The following ACTR3C variants were observed in gnomAD, a reference collection of about 807,000 sequenced individuals.
ACTR3C encodes the protein actin-related protein 3C.
ACTR3C carries 18 observed loss-of-function variants against 26.3 expected under a neutral mutation model. The observed-to-expected ratio is 0.68, with a 90% CI of 0.47 to 1.01. The LOEUF is 1.01. ACTR3C is among the 50% of genes least tolerant of loss of function. The probability of loss-of-function intolerance (pLI) is 0.00; values close to 1 mark genes in which losing one functional copy is unlikely to be tolerated. For synonymous variants in ACTR3C, 55 were observed against 94.5 expected (o/e 0.58, Z 2.42); for missense variants, 184 against 250.7 (o/e 0.73, Z 1.80).
At chr7:150,050,602 G>A in the ACTR3C span, among the ~76,000 whole-genome samples, 1 of 152,314 alleles carries the variant, frequency 6.6e-6, no homozygotes, top group East Asian at 1.9e-4. Flanking sequence ...AAGAAACGGA[G>A]GGCAGGGGAG....
chr7:150,034,125 A>C, the ACTR3C span, among the ~76,000 whole-genome samples: 2 of 151,352 alleles, frequency 1.3e-5, no homozygotes, highest in South Asian at 2.1e-4. Flanking sequence ...GGAAGAGGGG[A>C]TGGATCTCAG....
the ACTR3C span, among the ~76,000 whole-genome samples, chr7:149,928,586 A>G: frequency 6.6e-6 from 1 of 152,136 alleles, no homozygotes; most frequent in East Asian, 1.9e-4. Flanking sequence ...TCATGCCTGT[A>G]ATCCCAACAC....
the ACTR3C span, among the ~76,000 whole-genome samples, chr7:150,109,627 C>G: frequency 6.8e-6 from 1 of 148,122 alleles, no homozygotes; most frequent in Non-Finnish European, 1.5e-5. Flanking sequence ...ACACCTTGCC[C>G]TTATTACTAA....
chr7:150,323,315 C>G, intron 1 of ACTR3C, 154 bp downstream of exon 1: 3 of 262,674 alleles, frequency 1.1e-5, no homozygotes, highest in South Asian at 9.4e-5. Flanking sequence ...TCCAGAGCGC[C>G]CACTACGGCC....
At chr7:150,094,837 C>CT in the ACTR3C span, among the ~76,000 whole-genome samples, 1 of 150,710 alleles carries the variant, frequency 6.6e-6, no homozygotes, top group Non-Finnish European at 1.5e-5. Context: ...GGATGCAAAG[C>CT]TTAGAAGCTC....
intron 1 of ACTR3C, among the ~76,000 whole-genome samples, chr7:150,296,238 G>T (rs1836728037): frequency 6.7e-6 from 1 of 149,344 alleles, no homozygotes; most frequent in African/African-American, 2.6e-5. Context: ...TGTGATCCCA[G>T]CTACTCGGGG....
At chr7:150,037,723 GGGGGAAGAGGGT>G in the ACTR3C span, among the ~76,000 whole-genome samples, 1 of 96,474 alleles carries the variant, frequency 1.0e-5, no homozygotes, top group Non-Finnish European at 2.2e-5. Context: ...CCTAAGCCAG[GGGGGAAGAGGGT>G]CTGGCTCTCA....
At chr7:150,311,544 G>A (rs1380020036) in intron 1 of ACTR3C, among the ~76,000 whole-genome samples, 1 of 152,144 alleles carries the variant, frequency 6.6e-6, no homozygotes, top group Non-Finnish European at 1.5e-5. Flanking sequence ...AACCCCAACA[G>A]TAACTATTGC....
chr7:149,932,490 C>G, the ACTR3C span, among the ~76,000 whole-genome samples: 3 of 152,168 alleles, frequency 2.0e-5, no homozygotes, highest in Admixed American at 2.0e-4. Context: ...GTAAATTATA[C>G]GTCAAGGAAG....
At chr7:150,120,902 T>G in the ACTR3C span, among the ~76,000 whole-genome samples, 1 of 152,170 alleles carries the variant, frequency 6.6e-6, no homozygotes, top group Admixed American at 6.5e-5. Context: ...TCAACTCGGC[T>G]TCAACTCTGG....
the ACTR3C span, among the ~76,000 whole-genome samples, chr7:149,998,115 CCTT>C: frequency 2.0e-5 from 3 of 150,728 alleles, no homozygotes; most frequent in African/African-American, 7.3e-5. Flanking sequence ...AGACATCCAC[CCTT>C]CTTCTGCCCT....
chr7:149,979,005 C>T, the ACTR3C span, among the ~76,000 whole-genome samples: 1 of 152,024 alleles, frequency 6.6e-6, no homozygotes, highest in Non-Finnish European at 1.5e-5. Context: ...AGCCTTCTGG[C>T]CATGCTACAG....
chr7:150,304,931 C>T (rs1795691512), intron 1 of ACTR3C, among the ~76,000 whole-genome samples: 1 of 152,178 alleles, frequency 6.6e-6, no homozygotes, highest in Non-Finnish European at 1.5e-5. Flanking sequence ...TGCCCGGGCT[C>T]CTTAACGAGT....
At chr7:149,940,366 T>C in the ACTR3C span, among the ~76,000 whole-genome samples, 1 of 152,096 alleles carries the variant, frequency 6.6e-6, no homozygotes, top group African/African-American at 2.4e-5. Context: ...TGAATTTTTC[T>C]TCTGATCACA....
chr7:150,107,892 G>A, the ACTR3C span, among the ~76,000 whole-genome samples: 67 of 152,116 alleles, frequency 4.4e-4, 1 homozygote, highest in East Asian at 1.5e-3. Context: ...AGACAAAAAC[G>A]TTTAGAGCTT....
chr7:150,205,282 A>G, the ACTR3C span, among the ~76,000 whole-genome samples: 1 of 152,212 alleles, frequency 6.6e-6, no homozygotes, highest in Non-Finnish European at 1.5e-5. Flanking sequence ...ATCATGTCTA[A>G]TGCTTATTGA....
chr7:150,177,925 G>A, the ACTR3C span, among the ~76,000 whole-genome samples: 1 of 150,606 alleles, frequency 6.6e-6, no homozygotes, highest in South Asian at 2.1e-4. Context: ...ATGTATGTAG[G>A]TAGCTTTATT....
the ACTR3C span, among the ~76,000 whole-genome samples, chr7:150,139,958 TCACACACAAATATGCACA>T: frequency 1.3e-5 from 2 of 151,648 alleles, no homozygotes; most frequent in Non-Finnish European, 2.9e-5. Context: ...CCTGGAGAAA[TCACACACAAATATGCACA>T]CACACACACA....
At chr7:149,887,821 C>T in the ACTR3C span, among the ~76,000 whole-genome samples, 1 of 152,152 alleles carries the variant, frequency 6.6e-6, no homozygotes, top group African/African-American at 2.4e-5. Context: ...GCTGGTCTTT[C>T]CCATGCTATT....
Sources: allele counts gnomAD v4.1 joint callset (sites outside exome capture counted in the v4.1 genomes callset), GRCh38; gene constraint gnomAD v4.1.1; transcripts MANE v1.5; gene names NCBI Gene and HGNC (gene_info 2026-07-23, HGNC 2026-07-21).